Variants in PLXND1 observed in about 807,000 individuals in gnomAD.
PLXND1 encodes plexin D1.
PLXND1 carries 54 observed loss-of-function variants against 197.7 expected under a neutral mutation model. That is an observed-to-expected ratio of 0.27 (90% CI 0.22 to 0.34). PLXND1 has a LOEUF of 0.34. PLXND1 is among the 10% of genes least tolerant of loss of function. The pLI, the probability that PLXND1 is intolerant of heterozygous loss-of-function variation, is 1.00. For synonymous variants in PLXND1, 1,180 were observed against 1,161.2 expected, an observed-to-expected ratio of 1.02 and a Z score of -0.33; for missense variants, 2,127 against 2,699.2, an observed-to-expected ratio of 0.79 and a Z score of 4.70.
At chr3:129,603,773 A>G (rs1352685552) in intron 1 of PLXND1, among the ~76,000 whole-genome samples, 1 of 152,172 alleles carries the variant, frequency 6.6e-6, no homozygotes. Flanking sequence ...AATCTCATGA[A>G]ATTCTTGTCA....
In PLXND1 at chr3:129,600,723, C is replaced by T. The variant is rs78770276; in HGVS notation, c.1311+4606G>A. On this transcript the variant is annotated intron_variant, in intron 1 of 35. Coordinates refer to ENST00000324093, the MANE Select transcript of PLXND1 (RefSeq NM_015103.3). ...GCCAAGTGTCTCTGCTTGCACCCTT[C>T]GTCACTGGGAGATCACTCCCAGCCC... Among the ~76,000 whole-genome samples the T allele has an allele frequency of 3.0e-4, 46 of 151,902 alleles. No individual in the cohort carries two copies. In the East Asian group the frequency reaches 8.6e-3, roughly 28 times the overall value.
intron 23 of PLXND1, 164 bp from the exon 24 acceptor site, chr3:129,566,181 GT>G: frequency 1.4e-6 from 1 of 694,818 alleles, no homozygotes; most frequent in Non-Finnish European, 2.4e-6. Flanking sequence ...CAATAGCTTG[GT>G]TGAATTGAAA....
chr3:129,595,595 C>T lies in PLXND1; in HGVS notation c.1312-6068G>A, dbSNP rs551938398. On this transcript the variant is annotated intron_variant, in intron 1 of 35. Coordinates refer to ENST00000324093, the MANE Select transcript of PLXND1 (RefSeq NM_015103.3). ...GAGAAGAGCAGAGGCTTCAGACAAA[C>T]GGCAAAGGACACAGCAGCTCTGGCA... is the stretch of plus-strand genomic sequence containing the variant. 6.1e-4 allele frequency among the ~76,000 whole-genome samples: 93 copies of T among 152,324 alleles called. 1 individual carries two copies. The South Asian group carries it at 0.018, about 30-fold the overall frequency.
intron 9 of PLXND1, 55 bp downstream of exon 9, chr3:129,578,274 C>A (rs576448770): frequency 3.6e-6 from 4 of 1,096,650 alleles, no homozygotes; most frequent in Non-Finnish European, 4.1e-6. Context: ...TAGTGGCCTG[C>A]GTGCTCCCCG....
chr3:129,605,284 C>G lies in PLXND1; in HGVS notation c.1311+45G>C, dbSNP rs868545083. The G allele has an allele frequency of 4.3e-4, 337 of 783,878 alleles. 1 individual carries two copies. The highest frequency in any genetic ancestry group is 4.6e-4 in the African/African-American group (23 of 50,114). The allele number at this position is 783,878 out of a possible 1,614,324, so 48.6% of individuals were successfully genotyped here. A position where few individuals can be genotyped will look rare whatever the true frequency, so the allele number is the denominator to read the frequency against. ...GTTCCCGCCCGCCCCCGCCCCCGCCCCCGCCGCCGCCGCCGCCGCCGCCGC... is the reference window on the plus strand; with the variant it reads ...GTTCCCGCCCGCCCCCGCCCCCGCCGCCGCCGCCGCCGCCGCCGCCGCCGC... On this transcript the variant is annotated intron_variant, in intron 1 of 35. Coordinates refer to ENST00000324093, the MANE Select transcript of PLXND1 (RefSeq NM_015103.3).
rs906249435 is a variant in PLXND1 at position 129,573,614 on chromosome 3, G to T, written c.2817C>A (p.Asp939Glu). ...IGGVACEPLP[D>E]RYTVSEEIVC... ...CTCACTCCTCCGACACCGTGTATCT[G>T]TCAGGCAGTGGCTCACAGGCCACAC... The change falls in exon 13 of 36, where the codon GAC becomes GAA. Residue 939 changes from aspartate to glutamate, a missense_variant. Physicochemically the swap from Asp to Glu is conservative, Grantham distance 45. Transcript: ENST00000324093. 1 of 1,613,460 alleles carries T rather than the reference G, an allele frequency of 6.2e-7. No homozygotes were observed. The highest frequency in any genetic ancestry group is 1.7e-5 in the Admixed American group (1 of 60,018).
chr3:129,587,316 C>T (rs2085476491), intron 2 of PLXND1, among the ~76,000 whole-genome samples: 1 of 152,198 alleles, frequency 6.6e-6, no homozygotes, highest in South Asian at 2.1e-4. Flanking sequence ...GGCTACAATG[C>T]AATACCAGGC....
chr3:129,575,774 G>T lies in PLXND1; in HGVS notation c.2428C>A (p.Gln810Lys). 1 of 1,611,304 alleles carries T rather than the reference G, an allele frequency of 6.2e-7. No homozygotes were observed. The highest frequency in any genetic ancestry group is 2.2e-5 in the East Asian group (1 of 44,838). Residue 810 changes from glutamine to lysine, a missense_variant, in exon 10 of 36, where the codon CAG (glutamine) becomes AAG (lysine). By Grantham distance (53) the Gln-to-Lys change is moderately conservative. This residue lies in a region of PLXND1 where 1,095 missense variants were observed against 1,259.8 expected (regional missense o/e 0.87). Coordinates refer to ENST00000324093, the MANE Select transcript of PLXND1 (RefSeq NM_015103.3). ...WVNESVVRCD[Q>K]VVLHTTRKSQ... Reference sequence around the variant, plus strand: ...GGAGTCACCCCACTCACCACCACCTGGTCACAGCGTACAACAGACTCATTC... The same window carrying T: ...GGAGTCACCCCACTCACCACCACCTTGTCACAGCGTACAACAGACTCATTC...
intron 1 of PLXND1, among the ~76,000 whole-genome samples, chr3:129,604,452 G>A (rs1042555937): frequency 2.0e-5 from 3 of 152,198 alleles, no homozygotes; most frequent in African/African-American, 7.2e-5. Flanking sequence ...ACCTCTCTGT[G>A]CCTGTTTCTT....
intron 2 of PLXND1, among the ~76,000 whole-genome samples, chr3:129,587,137 G>A (rs2085473518): frequency 6.6e-6 from 1 of 152,174 alleles, no homozygotes; most frequent in Non-Finnish European, 1.5e-5. Flanking sequence ...GGGGCAGGCG[G>A]GCCATGAGCA....
chr3:129,559,499 T>A, intron 32 of PLXND1, 121 bp downstream of exon 32: 1 of 726,124 alleles, frequency 1.4e-6, no homozygotes. Flanking sequence ...AACACACAGC[T>A]GGGAAATGGC....
chr3:129,583,471 G>A (rs750338917), intron 8 of PLXND1, 96 bp downstream of exon 8: 24 of 769,094 alleles, frequency 3.1e-5, no homozygotes, highest in Admixed American at 1.7e-4. Context: ...AAGCTAAGGC[G>A]GAATATGCAA....
intron 19 of PLXND1, 52 bp from the exon 20 acceptor site, chr3:129,570,009 G>C: frequency 9.8e-7 from 1 of 1,019,556 alleles, no homozygotes; most frequent in Non-Finnish European, 1.6e-6. Context: ...TTATACTCTA[G>C]TTCTGCTCCT....
intron 7 of PLXND1, 124 bp from the exon 8 acceptor site, chr3:129,583,793 C>A: frequency 1.5e-6 from 1 of 667,570 alleles, no homozygotes; most frequent in Non-Finnish European, 2.6e-6. Context: ...ATCGGGGCTG[C>A]CTGGGAAAGA....
At chr3:129,572,450 G>T (rs1338951654) in intron 15 of PLXND1, among the ~76,000 whole-genome samples, 159 bp downstream of exon 15, 1 of 152,204 alleles carries the variant, frequency 6.6e-6, no homozygotes, top group African/African-American at 2.4e-5. Context: ...ACCAGCTGAG[G>T]AAACTGAGGC....
At chr3:129,572,437 C>T (rs2085247745) in intron 15 of PLXND1, among the ~76,000 whole-genome samples, 172 bp downstream of exon 15, 2 of 152,236 alleles carry the variant, frequency 1.3e-5, no homozygotes. Flanking sequence ...TGGTACTATT[C>T]TTACCAGCTG....
rs190620667 is a variant in PLXND1 at position 129,556,040 on chromosome 3, C to T, written c.*272G>A. ...GTGGAGCAAGTGGGTGGGCACAGTG[C>T]AGGCCGTGCTGGGCAGATGGGGGAG... On this transcript the variant is annotated 3_prime_UTR_variant, in exon 36 of 36. Transcript: ENST00000324093. 3.8e-3 allele frequency: 1,697 copies of T among 444,876 alleles called. 5 individuals carry two copies. The highest frequency in any genetic ancestry group is 5.9e-3 in the Non-Finnish European group (1,429 of 242,962). 27.6% of individuals were successfully genotyped at this position (444,876 alleles called of 1,614,324 possible). A position where few individuals can be genotyped will look rare whatever the true frequency, so the allele number is the denominator to read the frequency against.
chr3:129,560,702 T>G lies in PLXND1; in HGVS notation c.5015A>C (p.Lys1672Thr), dbSNP rs1325433260. ...LGRVKDLDTE[K>T]YFHLVLPTDE... ...TTGGGCACTCACCAAATGGAAATAC[T>G]TCTCTGTGTCCAAGTCTTTCACTGT... Residue 1672 changes from lysine to threonine, a missense_variant, in exon 30 of 36, where the codon AAG becomes ACG. Coordinates refer to ENST00000324093, the MANE Select transcript of PLXND1 (RefSeq NM_015103.3). 1 of 1,604,078 alleles carries G rather than the reference T, an allele frequency of 6.2e-7. No individual in the cohort carries two copies. The highest frequency in any genetic ancestry group is 1.1e-5 in the South Asian group (1 of 90,864).
At chr3:129,596,349 CCA>C (rs1243423854) in intron 1 of PLXND1, among the ~76,000 whole-genome samples, 2 of 152,320 alleles carry the variant, frequency 1.3e-5, no homozygotes, top group Admixed American at 1.3e-4. Flanking sequence ...GGAACCACCG[CCA>C]CAGTCGCTGA....
Sources: allele counts gnomAD v4.1 joint callset (sites outside exome capture counted in the v4.1 genomes callset), GRCh38; gene constraint gnomAD v4.1.1; regional missense constraint gnomAD v4.1.1; transcripts MANE v1.5; gene names NCBI Gene and HGNC (gene_info 2026-07-23, HGNC 2026-07-21).